STXBP6: variants seen among roughly 807,000 people sequenced by gnomAD.
The protein encoded by STXBP6 is syntaxin binding protein 6, also known as syntaxin-binding protein 6.
A neutral mutation model predicts 26.9 loss-of-function variants in STXBP6; 21 were observed. That is an observed-to-expected ratio of 0.78 (90% confidence interval 0.55 to 1.12). The LOEUF (loss-of-function observed/expected upper bound fraction) is 1.12. Among genes scored for constraint, STXBP6 ranks in the 50% most tolerant of loss-of-function variants. STXBP6 has a pLI of 0.00. For missense variants in STXBP6, 232 were observed against 257.9 expected, an observed-to-expected ratio of 0.90 and a Z score of 0.69; for synonymous variants, 97 against 92.6, an observed-to-expected ratio of 1.05 and a Z score of -0.27.
intron 2 of STXBP6, among the ~76,000 whole-genome samples, chr14:24,936,772 A>G (rs2072616423): frequency 1.3e-5 from 2 of 152,214 alleles, no homozygotes; most frequent in Non-Finnish European, 2.9e-5. Flanking sequence ...CTGGCGTGAG[A>G]GCAATCCCAT....
intron 1 of STXBP6, among the ~76,000 whole-genome samples, chr14:25,022,698 T>C (rs2075281476): frequency 6.6e-6 from 1 of 152,234 alleles, no homozygotes; most frequent in South Asian, 2.1e-4. Context: ...TGGTTTCTTG[T>C]CAATCTCTAG....
At chr14:24,967,441 C>A (rs1344555366) in intron 2 of STXBP6, among the ~76,000 whole-genome samples, 1 of 152,176 alleles carries the variant, frequency 6.6e-6, no homozygotes, top group East Asian at 1.9e-4. Flanking sequence ...CAGAGGAAAA[C>A]CCTCTCCTTT....
At chr14:24,955,716 C>A (rs1258176184) in intron 2 of STXBP6, among the ~76,000 whole-genome samples, 1 of 152,058 alleles carries the variant, frequency 6.6e-6, no homozygotes. Flanking sequence ...GCCCTGCTTC[C>A]CCCAGCAAGT....
At chr14:24,835,209 C>T (rs2068575943) in intron 4 of STXBP6, among the ~76,000 whole-genome samples, 1 of 152,154 alleles carries the variant, frequency 6.6e-6, no homozygotes, top group Admixed American at 6.5e-5. Context: ...TGCAAGCAAA[C>T]TGGATCCCTG....
intron 1 of STXBP6, among the ~76,000 whole-genome samples, chr14:25,032,962 A>G (rs1164269378): frequency 6.6e-6 from 1 of 152,218 alleles, no homozygotes; most frequent in Non-Finnish European, 1.5e-5. Context: ...CTCTTGCCCC[A>G]GCCACACTCA....
At chr14:24,838,102 G>T (rs893253266) in intron 4 of STXBP6, among the ~76,000 whole-genome samples, 1 of 152,148 alleles carries the variant, frequency 6.6e-6, no homozygotes, top group Non-Finnish European at 1.5e-5. Context: ...CACGATCTCA[G>T]TGCATAGCAA....
intron 2 of STXBP6, among the ~76,000 whole-genome samples, chr14:24,890,378 AG>A: frequency 6.6e-6 from 1 of 152,248 alleles, no homozygotes. Flanking sequence ...ATTCATCACA[AG>A]ATCCTCAACA....
chr14:24,839,921 G>C (rs766072808), intron 4 of STXBP6, among the ~76,000 whole-genome samples: 1 of 152,176 alleles, frequency 6.6e-6, no homozygotes, highest in Non-Finnish European at 1.5e-5. Flanking sequence ...AGGCAAGTCA[G>C]TTCTCAGCCC....
intron 1 of STXBP6, among the ~76,000 whole-genome samples, chr14:25,023,746 T>G (rs997885636): frequency 6.6e-6 from 1 of 152,050 alleles, no homozygotes; most frequent in Non-Finnish European, 1.5e-5. Context: ...CCTATGATCA[T>G]ACCACTGTAT....
rs73591661 is a variant in STXBP6 at position 24,864,475 on chromosome 14, G to A, written c.155-7318C>T. Among the ~76,000 whole-genome samples the A allele has an allele frequency of 4.9e-3, 752 of 152,226 alleles. 5 individuals carry two copies. Among genetic ancestry groups the A allele is most frequent in the African/African-American group, 0.015 (625 of 41,548 alleles). On this transcript the variant is annotated intron_variant, in intron 2 of 5. Coordinates refer to ENST00000323944, the MANE Select transcript of STXBP6 (RefSeq NM_001394410.1). ...AGCGTTTCTGCAGCTAAGGAAGCAG[G>A]TGAGGGAAGGGCCTGTGACTATGCT... is the stretch of plus-strand genomic sequence containing the variant.
chr14:24,934,606 G>A (rs943925020), intron 2 of STXBP6, among the ~76,000 whole-genome samples: 6 of 152,110 alleles, frequency 3.9e-5, no homozygotes, highest in African/African-American at 1.2e-4. Context: ...CACGGTTAAC[G>A]GATCTGGGAT....
chr14:24,892,060 A>T (rs1415223098), intron 2 of STXBP6, among the ~76,000 whole-genome samples: 2 of 152,178 alleles, frequency 1.3e-5, no homozygotes, highest in Non-Finnish European at 2.9e-5. Flanking sequence ...TCAGTATATA[A>T]CTATATATGT....
At chr14:24,841,899 A>G (rs1055492118) in intron 4 of STXBP6, among the ~76,000 whole-genome samples, 4 of 152,044 alleles carry the variant, frequency 2.6e-5, no homozygotes, top group Non-Finnish European at 5.9e-5. Context: ...GGTGAATTCA[A>G]TTCTCATTTG....
At chr14:24,939,129 T>C (rs980312081) in intron 2 of STXBP6, among the ~76,000 whole-genome samples, 1 of 152,218 alleles carries the variant, frequency 6.6e-6, no homozygotes, top group Non-Finnish European at 1.5e-5. Flanking sequence ...GTATCACTGA[T>C]TTAGATCAAG....
intron 4 of STXBP6, among the ~76,000 whole-genome samples, chr14:24,845,310 C>T (rs1218324710): frequency 2.0e-5 from 3 of 152,082 alleles, no homozygotes; most frequent in Non-Finnish European, 2.9e-5. Flanking sequence ...CCGCGCCTGG[C>T]CATCAAAAGC....
At chr14:24,908,548 C>A (rs1046343126) in intron 2 of STXBP6, among the ~76,000 whole-genome samples, 1 of 152,222 alleles carries the variant, frequency 6.6e-6, no homozygotes. Flanking sequence ...TTCTTCTCCA[C>A]GTCCACTGTG....
At position 24,819,097 on chromosome 14, in the gene STXBP6, T is replaced by C. The variant is rs2138737659; in HGVS notation, c.549A>G (p.Ala183=). ...LNERGERLGR[A]EEKTEDLKNS... ...TCTTCAGGTCTTCTGTCTTCTCCTC[T>C]GCTCGGCCTAATCGCTCTCCACGCT... is the stretch of plus-strand genomic sequence containing the variant. The change falls in exon 5 of 6, where the codon GCA becomes GCG. Residue 183 remains alanine (A), a synonymous_variant. Transcript: ENST00000323944. The C allele has an allele frequency of 6.2e-7, 1 of 1,613,984 alleles. No individual in the cohort carries two copies. The highest frequency in any genetic ancestry group is 8.5e-7 in the Non-Finnish European group (1 of 1,179,884).
At chr14:24,979,510 G>A (rs1385721269) in intron 1 of STXBP6, among the ~76,000 whole-genome samples, 1 of 152,148 alleles carries the variant, frequency 6.6e-6, no homozygotes, top group Non-Finnish European at 1.5e-5. Context: ...AGAGAAATAA[G>A]ATTCTCTAAA....
At chr14:24,980,555 CT>C (rs2140235162) in intron 1 of STXBP6, among the ~76,000 whole-genome samples, 1 of 152,328 alleles carries the variant, frequency 6.6e-6, no homozygotes, top group African/African-American at 2.4e-5. Context: ...TAACTTTAAT[CT>C]GGTGACAACA....
Sources: gnomAD v4.1 joint callset for allele counts (sites outside exome capture counted in the v4.1 genomes callset) on GRCh38, gnomAD v4.1.1 for gene constraint, MANE v1.5 for transcripts, NCBI Gene and HGNC (gene_info 2026-07-23, HGNC 2026-07-21) for gene names.